Variants in GDE1 observed in about 807,000 individuals in gnomAD.
The protein encoded by GDE1 is glycerophosphodiester phosphodiesterase 1.
GDE1 carries 24 observed loss-of-function variants against 32.2 expected under a neutral mutation model. That is an observed-to-expected ratio of 0.75 (90% CI 0.54 to 1.05). The LOEUF (loss-of-function observed/expected upper bound fraction) is 1.05, where lower values mean the gene tolerates loss of function less well. Among genes scored for constraint, GDE1 ranks in the 50% least tolerant of loss-of-function variants. The pLI is 0.00. For synonymous variants in GDE1, 159 were observed against 158.6 expected (o/e 1.00, Z -0.02); for missense variants, 380 against 415.0 (o/e 0.92, Z 0.73).
Position 19,502,374 on chromosome 16 carries a change from CTTTTTTTTTTTTTTTTT to C in GDE1, c.*1079_*1095del, listed in dbSNP as rs59519757. The C allele has an allele frequency of 2.4e-5, 2 of 82,192 alleles. No individual in the cohort carries two copies. Among genetic ancestry groups the C allele is most frequent in the Non-Finnish European group, 2.3e-5 (1 of 43,514 alleles). 5.1% of individuals were successfully genotyped at this position (82,192 alleles called of 1,614,324 possible). A position where few individuals can be genotyped will look rare whatever the true frequency, so the allele number is the denominator to read the frequency against. On this transcript the variant is annotated 3_prime_UTR_variant, in exon 6 of 6. Transcript: ENST00000353258. ...AAGATGTTCTAGAAGTTCTAGTTAT[CTTTTTTTTTTTTTTTTT>C]TTTTTTTTTTTTAAGAGTCAGGTTC...
At chr16:19,503,681 G>C (rs1429195372) in intron 5 of GDE1, 64 bp from the exon 6 acceptor site, 2 of 1,365,490 alleles carry the variant, frequency 1.5e-6, no homozygotes, top group African/African-American at 1.4e-5. Context: ...ATCCATAATG[G>C]CCACTAAGTA....
rs1382740428 is a variant in GDE1 at position 19,502,952 on chromosome 16, A to C, written c.*518T>G. ...ACTGGATTGCATGGTGGCTTCCCCA[A>C]ATTCCGTATGCCTTAGGATATGATG... On this transcript the variant is annotated 3_prime_UTR_variant, in exon 6 of 6. Transcript: ENST00000353258. 6.6e-6 allele frequency: 1 copy of C among 152,334 alleles called. No homozygotes were observed. Among genetic ancestry groups the C allele is most frequent in the African/African-American group, 2.4e-5 (1 of 41,370 alleles). 9.4% of individuals were successfully genotyped at this position (152,334 alleles called of 1,614,324 possible).
Position 19,521,960 on chromosome 16 carries a change from C to T in GDE1, c.5G>A (p.Trp2Ter). The change falls in exon 1 of 6, where the codon TGG becomes TAG. Residue 2 changes from tryptophan (W) to a stop codon, truncating the protein, a stop_gained. Coordinates refer to ENST00000353258, the MANE Select transcript of GDE1 (RefSeq NM_016641.4). LOFTEE classifies it high-confidence loss of function. Reference sequence around the variant, plus strand: ...GAGGCCGCCCTGGTCCTCCCACAGCCACATGCCGGCGCCCGCACCGGCACG... The same window carrying T: ...GAGGCCGCCCTGGTCCTCCCACAGCTACATGCCGGCGCCCGCACCGGCACG... M[W>*]LWEDQGGLLG... 6.5e-7 allele frequency: 1 copy of T among 1,540,566 alleles called. No homozygotes were observed. Among genetic ancestry groups the T allele is most frequent in the Non-Finnish European group, 8.8e-7 (1 of 1,138,780 alleles).
chr16:19,517,008 A>T lies in GDE1; in HGVS notation c.437+6T>A. On this transcript the variant is annotated splice_donor_region_variant and intron_variant, in intron 2 of 5. Transcript: ENST00000353258. The stretch of plus-strand genomic sequence containing the variant: ...AGATCTGTTTAAGTGACAATAAACT[A>T]CTTACCTGAGTCTGTGGTTTGCTGC... The T allele has an allele frequency of 6.2e-7, 1 of 1,612,960 alleles. No homozygotes were observed. The highest frequency in any genetic ancestry group is 8.5e-7 in the Non-Finnish European group (1 of 1,179,000).
At chr16:19,520,413 A>AG (rs386384420) in intron 1 of GDE1, among the ~76,000 whole-genome samples, 2 of 151,234 alleles carry the variant, frequency 1.3e-5, no homozygotes, top group East Asian at 3.9e-4. Context: ...AAAAAGAAAA[A>AG]AAAAAAGAAA....
Position 19,503,602 on chromosome 16 carries a change from C to T in GDE1, c.864G>A (p.Lys288=). 1 of 1,613,786 alleles carries T rather than the reference C, an allele frequency of 6.2e-7. No homozygotes were observed. Among genetic ancestry groups the T allele is most frequent in the South Asian group, 1.1e-5 (1 of 91,072 alleles). Residue 288 remains lysine (K), a synonymous_variant, in exon 6 of 6, where the codon AAG becomes AAA. Coordinates refer to ENST00000353258, the MANE Select transcript of GDE1 (RefSeq NM_016641.4). ...KDFVSPAYLK[K]WSAKGIQVVG... is the part of the protein sequence containing the mutation. Reference sequence around the variant, plus strand: ...CAACCTGGATTCCTTTAGCTGACCACTTCTTCAAGTAGGCCCTGGGGAAAG... The same window carrying T: ...CAACCTGGATTCCTTTAGCTGACCATTTCTTCAAGTAGGCCCTGGGGAAAG...
At position 19,521,626 on chromosome 16, in the gene GDE1, G is replaced by A. The variant is rs887067984; in HGVS notation, c.261+78C>T. 1.7e-5 allele frequency: 26 copies of A among 1,508,600 alleles called. No homozygotes were observed. The African/African-American group carries it at 3.3e-4, about 19-fold the overall frequency. The allele number at this position is 1,508,600 out of a possible 1,614,324, so 93.5% of individuals were successfully genotyped here. A position where few individuals can be genotyped will look rare whatever the true frequency, so the allele number is the denominator to read the frequency against. On this transcript the variant is annotated intron_variant, in intron 1 of 5. Coordinates refer to ENST00000353258, the MANE Select transcript of GDE1 (RefSeq NM_016641.4). ...GGAAGTGGGAAGGCCGTCCTGAGAA[G>A]ATCGGGGAACCCTGGGAAGGAAAAG...
intron 1 of GDE1, chr16:19,521,181 C>T (rs1039804588): frequency 3.9e-5 from 6 of 153,850 alleles, no homozygotes; most frequent in Non-Finnish European, 7.2e-5. Context: ...CTTCTGTTAC[C>T]TGAACACCCC....
intron 2 of GDE1, among the ~76,000 whole-genome samples, chr16:19,512,067 C>T (rs72785345): frequency 0.028 from 4,224 of 152,156 alleles, 79 homozygotes; most frequent in Non-Finnish European, 0.042. Flanking sequence ...AGTTTCCTTT[C>T]TTTTGGATAG....
rs1969267847 is a variant in GDE1, at chr16:19,507,789, AAAG to A, written c.544-13_544-11del. 1 of 1,225,324 alleles carries A rather than the reference AAAG, an allele frequency of 8.2e-7. No homozygotes were observed. 75.9% of individuals were successfully genotyped at this position (1,225,324 alleles called of 1,614,324 possible). A position where few individuals can be genotyped will look rare whatever the true frequency, so the allele number is the denominator to read the frequency against. On this transcript the variant is annotated splice_polypyrimidine_tract_variant and intron_variant, in intron 3 of 5. Transcript: ENST00000353258. ...TTAGAGCCTCAGTAGCCTGTAAAAT[AAAG>A]AGATTCATATATTTAAAATTGATTA...
intron 5 of GDE1, 57 bp from the exon 6 acceptor site, chr16:19,503,674 C>A: frequency 7.0e-7 from 1 of 1,428,350 alleles, no homozygotes; most frequent in Admixed American, 1.7e-5. Flanking sequence ...CTCAGGAATC[C>A]ATAATGGCCA....
Position 19,521,874 on chromosome 16 carries a change from C to T in GDE1, c.91G>A (p.Ala31Thr), listed in dbSNP as rs1969461825. Residue 31 changes from alanine (A) to threonine (T), a missense_variant, in exon 1 of 6, where the codon GCC becomes ACC. By Grantham distance (58) the Ala-to-Thr change is moderately conservative. Transcript: ENST00000353258. ...AAGAGGCTGCCGGTGAGGAGGCAGG[C>T]ATTGACCGGGCTCCGCGTCACCAGC... ...LLLVTRSPVN[A>T]CLLTGSLFVL... is the part of the protein sequence containing the mutation. 1.2e-6 allele frequency: 2 copies of T among 1,605,310 alleles called. No individual in the cohort carries two copies. The highest frequency in any genetic ancestry group is 1.7e-4 in the Middle Eastern group (1 of 5,954).
At chr16:19,519,402 A>G (rs1302771245) in intron 1 of GDE1, among the ~76,000 whole-genome samples, 1 of 151,692 alleles carries the variant, frequency 6.6e-6, no homozygotes, top group Non-Finnish European at 1.5e-5. Context: ...GCTGAGAGTT[A>G]TGAGCCAGGA....
In GDE1 at chr16:19,505,041, T is replaced by G. The variant is rs1315413218; in HGVS notation, c.688A>C (p.Ser230Arg). ...TTCCCATCTCCTGTATGGCTTAGGC[T>G]CCAAGGTCTGTGAGTTAATGCTGTT... ...VITALTHRPW[S>R]LSHTGDGKPR... is the part of the protein sequence containing the mutation. The change falls in exon 5 of 6, where the codon AGC (serine) becomes CGC (arginine). Residue 230 changes from serine to arginine, a missense_variant. Coordinates refer to ENST00000353258, the MANE Select transcript of GDE1 (RefSeq NM_016641.4). The G allele has an allele frequency of 6.2e-7, 1 of 1,613,270 alleles. No homozygotes were observed. Among genetic ancestry groups the G allele is most frequent in the South Asian group, 1.1e-5 (1 of 91,068 alleles).
Position 19,517,336 on chromosome 16 carries a change from ATCTGTT to A in GDE1, c.262-153_262-148del, listed in dbSNP as rs1204161854. 4 of 641,994 alleles carry A rather than the reference ATCTGTT, an allele frequency of 6.2e-6. No homozygotes were observed. In the Admixed American group the frequency reaches 1.1e-4, roughly 18 times the overall value. 39.8% of individuals were successfully genotyped at this position (641,994 alleles called of 1,614,324 possible). ...CTTCCCCCACCAAACAGCAATCCTG[ATCTGTT>A]TCTGTTTTCTGTGTATATAACCTTA... On this transcript the variant is annotated intron_variant, in intron 1 of 5. Transcript: ENST00000353258.
chr16:19,511,102 GA>G (rs1310849011), intron 2 of GDE1, among the ~76,000 whole-genome samples, 158 bp from the exon 3 acceptor site: 4 of 151,002 alleles, frequency 2.6e-5, no homozygotes, highest in Non-Finnish European at 5.9e-5. Flanking sequence ...TTTACTTTAA[GA>G]TTTTTTTTTT....
intron 4 of GDE1, among the ~76,000 whole-genome samples, chr16:19,506,116 C>G (rs1389312396): frequency 6.6e-6 from 1 of 152,162 alleles, no homozygotes; most frequent in Non-Finnish European, 1.5e-5. Context: ...CTAGAGTTAT[C>G]TTGCCAAGAA....
At chr16:19,507,458 A>T (rs1969262492) in intron 4 of GDE1, among the ~76,000 whole-genome samples, 1 of 152,192 alleles carries the variant, frequency 6.6e-6, no homozygotes, top group Non-Finnish European at 1.5e-5. Context: ...AATCTGAGTG[A>T]GCCTATAAAC....
At position 19,507,720 on chromosome 16, in the gene GDE1, C is replaced by G. The variant is rs760238139; in HGVS notation, c.603G>C (p.Val201=). Residue 201 remains valine, a synonymous_variant, in exon 4 of 6, where the codon GTG becomes GTC. Coordinates refer to ENST00000353258, the MANE Select transcript of GDE1 (RefSeq NM_016641.4). The part of the protein sequence containing the change: ...MEFPQLYNNS[V]VCSFLPEVIY... ...TAACTTCTGGCAAGAAAGAACAGAC[C>G]ACACTATTATTATACAGTTGAGGAA... The G allele has an allele frequency of 6.3e-7, 1 of 1,584,128 alleles. No individual in the cohort carries two copies. The highest frequency in any genetic ancestry group is 1.1e-5 in the South Asian group (1 of 90,464).
Sources: allele counts gnomAD v4.1 joint callset (sites outside exome capture counted in the v4.1 genomes callset), GRCh38; gene constraint gnomAD v4.1.1; transcripts MANE v1.5; gene names NCBI Gene and HGNC (gene_info 2026-07-23, HGNC 2026-07-21).